Variants in TTLL5 observed in about 807,000 individuals in gnomAD.
The protein encoded by TTLL5 is tubulin polyglutamylase TTLL5.
TTLL5 carries 132 observed loss-of-function variants against 168.4 expected under a neutral mutation model. That is an observed-to-expected ratio of 0.78 (90% CI 0.68 to 0.91). The LOEUF (loss-of-function observed/expected upper bound fraction) is 0.91, where lower values mean the gene tolerates loss of function less well. TTLL5 is among the 40% of genes least tolerant of loss of function. The pLI, the probability that TTLL5 is intolerant of heterozygous loss-of-function variation, is 0.00. For synonymous variants in TTLL5, 546 were observed against 558.6 expected (o/e 0.98, Z 0.32); for missense variants, 1,545 against 1,581.5 (o/e 0.98, Z 0.39).
chr14:75,737,654 C>T lies in TTLL5; in HGVS notation c.1281+2365C>T, dbSNP rs1048419341. On this transcript the variant is annotated intron_variant, in intron 15 of 31. Coordinates refer to ENST00000298832, the MANE Select transcript of TTLL5 (RefSeq NM_015072.5). ...GACTTCTTCAAATTTTATTTTCATT[C>T]TCCAAATGGAAAGTTTTTTAGCTTT... 4 of 1,512,112 alleles carry T rather than the reference C, an allele frequency of 2.6e-6. No homozygotes were observed. The African/African-American group carries it at 4.2e-5, about 16-fold the overall frequency. The allele number at this position is 1,512,112 out of a possible 1,614,324, so 93.7% of individuals were successfully genotyped here. A position where few individuals can be genotyped will look rare whatever the true frequency, so the allele number is the denominator to read the frequency against.
intron 24 of TTLL5, among the ~76,000 whole-genome samples, chr14:75,782,005 C>T (rs1029428215): frequency 6.8e-6 from 1 of 147,934 alleles, no homozygotes; most frequent in Admixed American, 6.8e-5. Context: ...GATACAGAGC[C>T]ATCGTAGTAT....
chr14:75,859,623 T>TC (rs1257364070), intron 28 of TTLL5, among the ~76,000 whole-genome samples: 2 of 152,132 alleles, frequency 1.3e-5, no homozygotes, highest in African/African-American at 4.8e-5. Flanking sequence ...AAACACTAAA[T>TC]TTTGGAGAGA....
chr14:75,662,735 G>T (rs936466393), intron 1 of TTLL5, among the ~76,000 whole-genome samples: 5 of 152,136 alleles, frequency 3.3e-5, no homozygotes, highest in Admixed American at 1.3e-4. Context: ...TCAGTCACCT[G>T]CCTCAAACTG....
In TTLL5 at chr14:75,731,193, C is replaced by T. The variant is rs1420275042; in HGVS notation, c.1043-1145C>T. ...CAGAATTAATTTCTGGAAAATACCT[C>T]GTTGTGTTCTGTGGGTGTGAGCTCT... On this transcript the variant is annotated intron_variant, in intron 12 of 31. Coordinates refer to ENST00000298832, the MANE Select transcript of TTLL5 (RefSeq NM_015072.5). 4.6e-5 allele frequency among the ~76,000 whole-genome samples: 7 copies of T among 152,132 alleles called. No individual in the cohort carries two copies. The South Asian group carries it at 6.2e-4, about 14-fold the overall frequency.
chr14:75,826,295 G>A (rs188654137), intron 28 of TTLL5, among the ~76,000 whole-genome samples: 7 of 94,954 alleles, frequency 7.4e-5, no homozygotes, highest in South Asian at 7.2e-4. Flanking sequence ...TAGGATACGC[G>A]TACACACACA....
intron 27 of TTLL5, among the ~76,000 whole-genome samples, chr14:75,794,719 T>C (rs776441101): frequency 6.6e-6 from 1 of 152,174 alleles, no homozygotes; most frequent in Non-Finnish European, 1.5e-5. Context: ...TTTAGAGTCT[T>C]GGTAATAGGG....
At chr14:75,837,317 T>A (rs1317067180) in intron 28 of TTLL5, 1 of 152,210 alleles carries the variant, frequency 6.6e-6, no homozygotes. Context: ...CTGACTTCCC[T>A]CAGAATGAGT....
intron 27 of TTLL5, among the ~76,000 whole-genome samples, chr14:75,810,705 A>G (rs1037061268): frequency 6.6e-6 from 1 of 152,174 alleles, no homozygotes; most frequent in Non-Finnish European, 1.5e-5. Flanking sequence ...CCATTTCGAT[A>G]AATAAGATGC....
rs148883248 is a variant in TTLL5, at chr14:75,811,156, AGTGT to A, written c.3172-8822_3172-8819del. Among the ~76,000 whole-genome samples, 1,023 of 116,626 alleles carry A rather than the reference AGTGT, an allele frequency of 8.8e-3. 12 individuals carry two copies. The highest frequency in any genetic ancestry group is 0.029 in the African/African-American group (869 of 29,656). 76.5% of individuals were successfully genotyped at this position (116,626 alleles called of 152,430 possible). ...GGGAAAGAGAGGGAATGAAAGAAAG[AGTGT>A]GTGTGTGTGTGTGTGTGTGTGTGTG... On this transcript the variant is annotated intron_variant, in intron 27 of 31. Transcript: ENST00000298832.
chr14:75,850,619 C>T (rs993505668), intron 28 of TTLL5, among the ~76,000 whole-genome samples: 2 of 151,912 alleles, frequency 1.3e-5, no homozygotes, highest in Non-Finnish European at 2.9e-5. Context: ...TCTAAGATAA[C>T]ATGAAGTAGG....
chr14:75,685,841 A>AGG (rs1357086299), intron 5 of TTLL5, among the ~76,000 whole-genome samples: 1 of 152,236 alleles, frequency 6.6e-6, no homozygotes, highest in Admixed American at 6.5e-5. Flanking sequence ...TTACTGTTGT[A>AGG]GATTACATCA....
At chr14:75,818,357 C>G (rs1464383745) in intron 27 of TTLL5, among the ~76,000 whole-genome samples, 1 of 151,990 alleles carries the variant, frequency 6.6e-6, no homozygotes, top group African/African-American at 2.4e-5. Flanking sequence ...TGTCTTTTCA[C>G]TTGTGTTTGT....
chr14:75,783,225 A>G lies in TTLL5; in HGVS notation c.2681A>G (p.Lys894Arg), dbSNP rs1595033066. ...TCTGGTCCTACTGCTACTCTGCAGA[A>G]AATTCCCAACACCCATTTGTCATCT... is the stretch of plus-strand genomic sequence containing the variant. ...SSSGPTATLQ[K>R]IPNTHLSSVT... The change falls in exon 26 of 32, where the codon AAA (lysine) becomes AGA (arginine). Residue 894 changes from lysine to arginine, a missense_variant. Physicochemically the swap from Lys to Arg is conservative, Grantham distance 26. Coordinates refer to ENST00000298832, the MANE Select transcript of TTLL5 (RefSeq NM_015072.5). 10 of 1,614,204 alleles carry G rather than the reference A, an allele frequency of 6.2e-6. No homozygotes were observed. Among genetic ancestry groups the G allele is most frequent in the Non-Finnish European group, 7.6e-6 (9 of 1,180,028 alleles).
rs531210583 is a variant in TTLL5 at position 75,925,018 on chromosome 14, A to G, written c.3823+22794A>G. ...GGCAGGCCGGGCAGAGGGGCTCCTCACTTCCCAGTAGGGGCGGCCGGGCAG... is the reference window on the plus strand; with the variant it reads ...GGCAGGCCGGGCAGAGGGGCTCCTCGCTTCCCAGTAGGGGCGGCCGGGCAG... On this transcript the variant is annotated intron_variant, in intron 31 of 31. Coordinates refer to ENST00000298832, the MANE Select transcript of TTLL5 (RefSeq NM_015072.5). 9.6e-5 allele frequency among the ~76,000 whole-genome samples: 13 copies of G among 135,512 alleles called. No individual in the cohort carries two copies. In the South Asian group the frequency reaches 2.9e-3, roughly 30 times the overall value. 88.9% of individuals were successfully genotyped at this position (135,512 alleles called of 152,430 possible).
At chr14:75,891,943 G>A (rs73321431) in intron 30 of TTLL5, among the ~76,000 whole-genome samples, 5,066 of 152,306 alleles carry the variant, frequency 0.033, 92 homozygotes, top group Middle Eastern at 0.088. Flanking sequence ...TGCATCCAAT[G>A]TCTGCTGGTC....
intron 28 of TTLL5, chr14:75,837,137 G>A (rs1020416395): frequency 1.3e-5 from 2 of 152,306 alleles, no homozygotes; most frequent in African/African-American, 4.8e-5. Flanking sequence ...GAGGGTTGCA[G>A]TTATCTGAAG....
At chr14:75,928,386 AC>A in intron 31 of TTLL5, among the ~76,000 whole-genome samples, 1 of 72,502 alleles carries the variant, frequency 1.4e-5, no homozygotes, top group African/African-American at 5.4e-5. Context: ...TTTCTGCTTT[AC>A]TCTATCATTT....
At chr14:75,748,190 A>C (rs1889725422) in intron 17 of TTLL5, among the ~76,000 whole-genome samples, 1 of 151,254 alleles carries the variant, frequency 6.6e-6, no homozygotes, top group Non-Finnish European at 1.5e-5. Context: ...CTAGCTGTTT[A>C]TGGTAGGAGA....
chr14:75,732,691 C>T (rs1888620460), intron 13 of TTLL5, among the ~76,000 whole-genome samples: 1 of 151,964 alleles, frequency 6.6e-6, no homozygotes, highest in Non-Finnish European at 1.5e-5. Context: ...AGTTTTATCC[C>T]TGTAGTTTTT....
Sources: gnomAD v4.1 joint callset for allele counts (sites outside exome capture counted in the v4.1 genomes callset) on GRCh38, gnomAD v4.1.1 for gene constraint, MANE v1.5 for transcripts, NCBI Gene and HGNC (gene_info 2026-07-23, HGNC 2026-07-21) for gene names.